The following ROR2 variants were observed in gnomAD, a reference collection of about 807,000 sequenced individuals.
ROR2 encodes tyrosine-protein kinase transmembrane receptor ROR2.
A neutral mutation model predicts 74.9 loss-of-function variants in ROR2; 33 were observed. The observed-to-expected ratio is 0.44, with a 90% CI of 0.33 to 0.59. The LOEUF (loss-of-function observed/expected upper bound fraction) is 0.59, where lower values mean the gene tolerates loss of function less well. Ranked by LOEUF, ROR2 falls within the 20% of genes least tolerant of loss-of-function variation. ROR2 has a pLI of 0.02. For synonymous variants in ROR2, 586 were observed against 558.7 expected (o/e 1.05, Z -0.69); for missense variants, 1,216 against 1,313.8 (o/e 0.93, Z 1.15).
chr9:91,948,859 A>G, intron 1 of ROR2: 12 of 985,176 alleles, frequency 1.2e-5, no homozygotes, highest in Non-Finnish European at 1.3e-5. Flanking sequence ...CCACCCCCGC[A>G]GGGTGCCGAG....
Position 91,863,108 on chromosome 9 carries a change from T to C in ROR2, c.97+86759A>G, listed in dbSNP as rs535217607. ...AGGATGTGCAGAAAGTGCAAGCTTA[T>C]ATGCTGCTGGTGGGAATGTAAAATG... On this transcript the variant is annotated intron_variant, in intron 1 of 8. Transcript: ENST00000375708. Among the ~76,000 whole-genome samples, 10 of 152,360 alleles carry C rather than the reference T, an allele frequency of 6.6e-5. No homozygotes were observed. The East Asian group carries it at 1.9e-3, about 29-fold the overall frequency.
intron 1 of ROR2, among the ~76,000 whole-genome samples, chr9:91,793,781 C>G (rs539846349): frequency 1.0e-3 from 149 of 149,026 alleles, no homozygotes; most frequent in Non-Finnish European, 1.4e-3. Flanking sequence ...AAAAAAGACA[C>G]AAAGAGTTTA....
chr9:91,842,139 GGAAA>G (rs1453558982), intron 1 of ROR2, among the ~76,000 whole-genome samples: 2 of 152,088 alleles, frequency 1.3e-5, no homozygotes, highest in African/African-American at 4.8e-5. Flanking sequence ...AGAGAAGTAA[GGAAA>G]GAAAGGAGAG....
At chr9:91,739,697 A>G (rs969477053) in intron 4 of ROR2, among the ~76,000 whole-genome samples, 7 of 152,254 alleles carry the variant, frequency 4.6e-5, no homozygotes, top group African/African-American at 1.7e-4. Context: ...TTCAAGAAAG[A>G]GATTTTGGTG....
chr9:91,822,723 G>A (rs1265045127), intron 1 of ROR2, among the ~76,000 whole-genome samples: 1 of 152,186 alleles, frequency 6.6e-6, no homozygotes, highest in Non-Finnish European at 1.5e-5. Flanking sequence ...CTCAGGACAG[G>A]CAGAAATACA....
chr9:91,729,857 C>A (rs905091553), intron 7 of ROR2, among the ~76,000 whole-genome samples: 1 of 152,186 alleles, frequency 6.6e-6, no homozygotes, highest in Non-Finnish European at 1.5e-5. Flanking sequence ...CTCCACCAAA[C>A]CTAAGTGTAA....
rs144813716 is a variant in ROR2 at position 91,934,102 on chromosome 9, T to C, written c.97+15765A>G. ...GCATCAAGTCTGTTCAGTGTGTTTA[T>C]GGATGCGGGGGGGCGAGTGAAAAGG... is the stretch of plus-strand genomic sequence containing the variant. On this transcript the variant is annotated intron_variant, in intron 1 of 8. Coordinates refer to ENST00000375708, the MANE Select transcript of ROR2 (RefSeq NM_004560.4). Among the ~76,000 whole-genome samples the C allele has an allele frequency of 4.0e-5, 6 of 151,448 alleles. 1 individual carries two copies. The highest frequency in any genetic ancestry group is 8.8e-5 in the Non-Finnish European group (6 of 67,900).
intron 1 of ROR2, among the ~76,000 whole-genome samples, chr9:91,902,684 C>G (rs1830704513): frequency 6.6e-6 from 1 of 152,200 alleles, no homozygotes; most frequent in African/African-American, 2.4e-5. Context: ...CACTGTTAAG[C>G]TCACTGTAAG....
At chr9:91,804,498 C>T (rs1179706589) in intron 1 of ROR2, among the ~76,000 whole-genome samples, 1 of 152,190 alleles carries the variant, frequency 6.6e-6, no homozygotes, top group Non-Finnish European at 1.5e-5. Flanking sequence ...AGCACCCCTG[C>T]GGCCGTCCTT....
At chr9:91,792,957 TA>T (rs1278801858) in intron 1 of ROR2, among the ~76,000 whole-genome samples, 2 of 152,110 alleles carry the variant, frequency 1.3e-5, no homozygotes, top group Non-Finnish European at 2.9e-5. Context: ...CACAAAGGAC[TA>T]AAAGGCTTTC....
At chr9:91,892,665 C>T (rs1830450481) in intron 1 of ROR2, among the ~76,000 whole-genome samples, 1 of 145,004 alleles carries the variant, frequency 6.9e-6, no homozygotes, top group African/African-American at 2.6e-5. Flanking sequence ...TCTCAGCTCA[C>T]TGCAACCTCC....
At chr9:91,897,962 G>A (rs1206076436) in intron 1 of ROR2, among the ~76,000 whole-genome samples, 2 of 152,120 alleles carry the variant, frequency 1.3e-5, no homozygotes, top group African/African-American at 4.8e-5. Flanking sequence ...AGGTGAGACT[G>A]AAGAGGAAGG....
At chr9:91,850,385 A>G (rs1043080956) in intron 1 of ROR2, among the ~76,000 whole-genome samples, 2 of 151,570 alleles carry the variant, frequency 1.3e-5, no homozygotes, top group African/African-American at 4.8e-5. Context: ...GGTGTGATTA[A>G]ATTAAGAATC....
At chr9:91,741,023 C>T (rs1394089298) in intron 4 of ROR2, among the ~76,000 whole-genome samples, 2 of 151,924 alleles carry the variant, frequency 1.3e-5, no homozygotes, top group African/African-American at 2.4e-5. Context: ...ACAACTCGGC[C>T]GGGTGCGGTG....
chr9:91,818,286 T>A (rs1587748645), intron 1 of ROR2, among the ~76,000 whole-genome samples: 1 of 152,238 alleles, frequency 6.6e-6, no homozygotes, highest in South Asian at 2.1e-4. Context: ...TTCTTTGATA[T>A]GCAAGGCTAA....
chr9:91,809,628 C>T (rs866496203), intron 1 of ROR2, among the ~76,000 whole-genome samples: 4 of 152,244 alleles, frequency 2.6e-5, no homozygotes, highest in Middle Eastern at 3.2e-3. Context: ...CAGTGGCCAG[C>T]GGCACTCGCC....
chr9:91,724,614 A>G lies in ROR2; in HGVS notation c.1880T>C (p.Leu627Pro). 6.2e-7 allele frequency: 1 copy of G among 1,614,202 alleles called. No individual in the cohort carries two copies. The highest frequency in any genetic ancestry group is 8.5e-7 in the Non-Finnish European group (1 of 1,180,042). Residue 627 changes from leucine (L) to proline (P), a missense_variant, in exon 9 of 9, where the codon CTG (leucine) becomes CCG (proline). Transcript: ENST00000375708. ...GCCCAAGTCTGAGATCTTCACGTTC[A>G]GCTTGTCGTACACTAGCACATTGCG... ...ATRNVLVYDKLNVKISDLGLF... is the reference protein window; with the variant it reads ...ATRNVLVYDKPNVKISDLGLF...
At chr9:91,943,513 C>A (rs1270591122) in intron 1 of ROR2, among the ~76,000 whole-genome samples, 2 of 152,140 alleles carry the variant, frequency 1.3e-5, no homozygotes, top group Admixed American at 6.6e-5. Flanking sequence ...TCAGTGAGCA[C>A]CCTGGCTACA....
intron 2 of ROR2, among the ~76,000 whole-genome samples, chr9:91,758,847 T>C (rs185667607): frequency 1.6e-3 from 248 of 152,290 alleles, no homozygotes; most frequent in African/African-American, 5.6e-3. Flanking sequence ...AGGTGTGTGG[T>C]GTGGTCAAGA....
Sources: gnomAD v4.1 joint callset for allele counts (sites outside exome capture counted in the v4.1 genomes callset) on GRCh38, gnomAD v4.1.1 for gene constraint, MANE v1.5 for transcripts, NCBI Gene and HGNC (gene_info 2026-07-23, HGNC 2026-07-21) for gene names.